The following LARP4B variants were observed in gnomAD, a reference collection of about 807,000 sequenced individuals.
The protein encoded by LARP4B is La ribonucleoprotein 4B, also known as la-related protein 4B.
Under a neutral mutation model 89.8 loss-of-function variants are expected in LARP4B, and 12 were observed. The observed-to-expected ratio is 0.13, with a 90% CI of 0.09 to 0.22. The LOEUF (loss-of-function observed/expected upper bound fraction) is 0.22, where lower values mean the gene tolerates loss of function less well. Ranked by LOEUF, LARP4B falls within the 10% of genes least tolerant of loss-of-function variation. LARP4B has a pLI of 1.00. For missense variants in LARP4B, 757 were observed against 947.7 expected (o/e 0.80, Z 2.64); for synonymous variants, 367 against 363.3 (o/e 1.01, Z -0.12).
intron 1 of LARP4B, among the ~76,000 whole-genome samples, chr10:929,605 G>A (rs202182212): frequency 7.0e-6 from 1 of 143,106 alleles, no homozygotes; most frequent in Non-Finnish European, 1.5e-5. Flanking sequence ...CTCGGGGGGG[G>A]AAGAAAAAAA....
chr10:966,087 T>TGTGTGA, the LARP4B span, among the ~76,000 whole-genome samples: 3 of 50,268 alleles, frequency 6.0e-5, no homozygotes, highest in Admixed American at 4.2e-4. Flanking sequence ...TGTGTGTGTA[T>TGTGTGA]GAGATTTTAT....
At chr10:964,476 G>A in the LARP4B span, among the ~76,000 whole-genome samples, 1 of 152,068 alleles carries the variant, frequency 6.6e-6, no homozygotes, top group African/African-American at 2.4e-5. Context: ...GTGGATTAGG[G>A]CCAAGGATAG....
At chr10:916,690 C>T (rs1395175733) in intron 1 of LARP4B, among the ~76,000 whole-genome samples, 1 of 152,096 alleles carries the variant, frequency 6.6e-6, no homozygotes, top group African/African-American at 2.4e-5. Flanking sequence ...AGTGAAACTC[C>T]GTCTCAAAAC....
chr10:872,970 T>C (rs2050944), intron 3 of LARP4B: 181,597 of 952,906 alleles, frequency 0.19, 17,878 homozygotes, highest in Non-Finnish European at 0.2. Flanking sequence ...CCAGCTACAC[T>C]GCTGGCTCCA....
At chr10:951,184 C>G in the LARP4B span, among the ~76,000 whole-genome samples, 1 of 152,140 alleles carries the variant, frequency 6.6e-6, no homozygotes, top group Non-Finnish European at 1.5e-5. Context: ...CATTAAGTAT[C>G]CTGTTAGCTG....
chr10:824,082 C>T (rs1284744745), intron 13 of LARP4B, among the ~76,000 whole-genome samples: 7 of 152,192 alleles, frequency 4.6e-5, no homozygotes, highest in South Asian at 4.1e-4. Flanking sequence ...TGGTGCTGTA[C>T]ACATTGTATA....
At chr10:827,048 G>A (rs1336195597) in intron 11 of LARP4B, among the ~76,000 whole-genome samples, 1 of 152,154 alleles carries the variant, frequency 6.6e-6, no homozygotes, top group Non-Finnish European at 1.5e-5. Context: ...GCCAAGGGGG[G>A]GCGGATCAAA....
intron 7 of LARP4B, among the ~76,000 whole-genome samples, chr10:840,343 C>T (rs1833462635): frequency 6.6e-6 from 1 of 152,192 alleles, no homozygotes; most frequent in Non-Finnish European, 1.5e-5. Context: ...AGCTTCAATC[C>T]CGTTCATGCT....
At chr10:894,821 G>A (rs952369687) in intron 1 of LARP4B, among the ~76,000 whole-genome samples, 2 of 152,206 alleles carry the variant, frequency 1.3e-5, no homozygotes, top group African/African-American at 4.8e-5. Flanking sequence ...CAAGCTGATG[G>A]TAGCTAAAGC....
intron 1 of LARP4B, among the ~76,000 whole-genome samples, chr10:899,383 C>T (rs757046946): frequency 6.6e-6 from 1 of 152,308 alleles, no homozygotes; most frequent in Non-Finnish European, 1.5e-5. Flanking sequence ...GAACTCCCTA[C>T]TCACAACAGA....
chr10:966,949 C>T, the LARP4B span, among the ~76,000 whole-genome samples: 3 of 152,242 alleles, frequency 2.0e-5, no homozygotes, highest in Non-Finnish European at 4.4e-5. Flanking sequence ...GCTCTCAGAA[C>T]ACTGGCAGCC....
chr10:813,801 C>CTTT (rs35886091), intron 17 of LARP4B, among the ~76,000 whole-genome samples: 13 of 136,272 alleles, frequency 9.5e-5, no homozygotes, highest in African/African-American at 2.9e-4. Context: ...CCCTTAATAA[C>CTTT]TTTTTTTTTT....
At chr10:871,285 G>A (rs143567536) in intron 3 of LARP4B, among the ~76,000 whole-genome samples, 5 of 152,246 alleles carry the variant, frequency 3.3e-5, no homozygotes, top group African/African-American at 4.8e-5. Context: ...AAATAAATGC[G>A]GAGGAAACAC....
chr10:974,054 G>C, the LARP4B span, among the ~76,000 whole-genome samples: 3 of 152,122 alleles, frequency 2.0e-5, no homozygotes, highest in African/African-American at 4.8e-5. Flanking sequence ...ACAGCTCCCT[G>C]TGTCCCAAAG....
chr10:834,889 A>T (rs1168659631), intron 8 of LARP4B, among the ~76,000 whole-genome samples: 1 of 151,964 alleles, frequency 6.6e-6, no homozygotes, highest in African/African-American at 2.4e-5. Flanking sequence ...GGTGGCTCAC[A>T]CCTGTAATCC....
intron 1 of LARP4B, among the ~76,000 whole-genome samples, chr10:930,609 G>A (rs1467066638): frequency 3.3e-5 from 5 of 152,166 alleles, no homozygotes; most frequent in Non-Finnish European, 5.9e-5. Context: ...GTTCCCAAGC[G>A]CACCCTGAGA....
At chr10:966,290 A>G in the LARP4B span, among the ~76,000 whole-genome samples, 1 of 152,152 alleles carries the variant, frequency 6.6e-6, no homozygotes. Context: ...CCCCATCTCT[A>G]TAAAAAATTT....
chr10:851,180 CTTT>C (rs144483000), intron 5 of LARP4B, among the ~76,000 whole-genome samples: 8 of 131,554 alleles, frequency 6.1e-5, no homozygotes, highest in East Asian at 2.1e-4. Context: ...AAAACACTAA[CTTT>C]TTTTTTTTTT....
the LARP4B span, among the ~76,000 whole-genome samples, chr10:939,409 T>C: frequency 6.6e-6 from 1 of 152,190 alleles, no homozygotes; most frequent in Non-Finnish European, 1.5e-5. Flanking sequence ...ATTTTATAAC[T>C]CTCTAGGGCT....
Sources: allele counts gnomAD v4.1 joint callset (sites outside exome capture counted in the v4.1 genomes callset), GRCh38; gene constraint gnomAD v4.1.1; transcripts MANE v1.5; gene names NCBI Gene and HGNC (gene_info 2026-07-23, HGNC 2026-07-21).